Variants in ERBB4 observed in about 807,000 individuals in gnomAD.
ERBB4 encodes the protein receptor tyrosine-protein kinase erbB-4.
ERBB4 carries 42 observed loss-of-function variants against 158.0 expected under a neutral mutation model. That is an observed-to-expected ratio of 0.27 (90% CI 0.21 to 0.34). The LOEUF is 0.34. Among genes scored for constraint, ERBB4 ranks in the 10% least tolerant of loss-of-function variants. The pLI is 1.00. For missense variants in ERBB4, 1,333 were observed against 1,624.1 expected, an observed-to-expected ratio of 0.82 and a Z score of 3.08; for synonymous variants, 583 against 558.7, an observed-to-expected ratio of 1.04 and a Z score of -0.61.
chr2:211,707,624 T>C (rs1158999140), intron 9 of ERBB4, among the ~76,000 whole-genome samples: 1 of 152,278 alleles, frequency 6.6e-6, no homozygotes, highest in East Asian at 1.9e-4. Context: ...ATTTGGTTAC[T>C]CTAAGCACAT....
chr2:211,843,436 C>CAG (rs1553643887), intron 3 of ERBB4, among the ~76,000 whole-genome samples: 2 of 151,880 alleles, frequency 1.3e-5, no homozygotes, highest in East Asian at 3.9e-4. Flanking sequence ...CACACACACA[C>CAG]AGCATCAAAC....
chr2:212,003,207 C>CGG (rs2076171043), intron 2 of ERBB4, among the ~76,000 whole-genome samples: 2 of 39,926 alleles, frequency 5.0e-5, no homozygotes, highest in African/African-American at 1.5e-4. Context: ...GAAAGAAAGA[C>CGG]AGAAAGAAGG....
chr2:212,263,891 A>G (rs1041453686), intron 1 of ERBB4, among the ~76,000 whole-genome samples: 1 of 151,878 alleles, frequency 6.6e-6, no homozygotes, highest in Non-Finnish European at 1.5e-5. Flanking sequence ...TTAAATATTA[A>G]TTAATAATCA....
intron 9 of ERBB4, among the ~76,000 whole-genome samples, chr2:211,708,662 C>T (rs1176500682): frequency 6.6e-6 from 1 of 151,168 alleles, no homozygotes; most frequent in African/African-American, 2.4e-5. Flanking sequence ...TTCCCTCCTT[C>T]CCTGCACTTC....
intron 1 of ERBB4, among the ~76,000 whole-genome samples, chr2:212,278,249 CATAAT>C (rs1385752208): frequency 6.6e-6 from 1 of 151,662 alleles, no homozygotes; most frequent in African/African-American, 2.4e-5. Flanking sequence ...TAGAAATTGC[CATAAT>C]ATAAGTGACA....
At chr2:211,940,929 CT>C (rs1337580957) in intron 3 of ERBB4, among the ~76,000 whole-genome samples, 1 of 152,144 alleles carries the variant, frequency 6.6e-6, no homozygotes, top group Admixed American at 6.5e-5. Context: ...GCAAAATTTG[CT>C]GAAATGGCCA....
At chr2:212,531,341 G>C (rs367901886) in intron 1 of ERBB4, among the ~76,000 whole-genome samples, 97 of 152,300 alleles carry the variant, frequency 6.4e-4, no homozygotes, top group Middle Eastern at 6.8e-3. Context: ...AAAAGGCCCA[G>C]AGGTAGCATC....
intron 1 of ERBB4, among the ~76,000 whole-genome samples, chr2:212,126,060 C>A (rs1056634773): frequency 6.6e-6 from 1 of 152,100 alleles, no homozygotes; most frequent in Non-Finnish European, 1.5e-5. Context: ...TAGAGTATCA[C>A]TGTATATATT....
chr2:211,910,973 G>C (rs1226657463), intron 3 of ERBB4, among the ~76,000 whole-genome samples: 1 of 152,122 alleles, frequency 6.6e-6, no homozygotes, highest in Non-Finnish European at 1.5e-5. Flanking sequence ...ACCATTTCTT[G>C]GTAATAACCA....
At chr2:212,265,492 A>G (rs1002564862) in intron 1 of ERBB4, among the ~76,000 whole-genome samples, 2 of 152,098 alleles carry the variant, frequency 1.3e-5, no homozygotes, top group Admixed American at 6.6e-5. Context: ...ACTGCCAGAT[A>G]GAGTAAGAGA....
At chr2:211,744,714 A>G (rs1420775413) in intron 5 of ERBB4, among the ~76,000 whole-genome samples, 1 of 152,318 alleles carries the variant, frequency 6.6e-6, no homozygotes, top group African/African-American at 2.4e-5. Context: ...ATTTGCTAGG[A>G]GACACCTGTG....
chr2:212,141,813 C>A (rs995796951), intron 1 of ERBB4, among the ~76,000 whole-genome samples: 3 of 152,024 alleles, frequency 2.0e-5, no homozygotes, highest in Non-Finnish European at 4.4e-5. Flanking sequence ...ATCTGATGTC[C>A]CTGCTTTTCT....
At chr2:212,369,556 C>A (rs545781125) in intron 1 of ERBB4, among the ~76,000 whole-genome samples, 77 of 152,048 alleles carry the variant, frequency 5.1e-4, no homozygotes, top group African/African-American at 1.8e-3. Context: ...TTTAAATTTT[C>A]TTTTATCTGA....
chr2:211,528,765 C>T (rs1345298643), intron 20 of ERBB4, among the ~76,000 whole-genome samples: 1 of 151,436 alleles, frequency 6.6e-6, no homozygotes, highest in South Asian at 2.1e-4. Flanking sequence ...ACCAGTGGGT[C>T]GATGAAGACA....
intron 2 of ERBB4, among the ~76,000 whole-genome samples, chr2:212,052,943 G>A (rs1008903160): frequency 6.6e-6 from 1 of 152,160 alleles, no homozygotes; most frequent in African/African-American, 2.4e-5. Flanking sequence ...AATACTTGTT[G>A]TCTCAGTGAT....
intron 1 of ERBB4, among the ~76,000 whole-genome samples, chr2:212,271,836 C>T (rs2085355411): frequency 6.6e-6 from 1 of 151,738 alleles, no homozygotes; most frequent in African/African-American, 2.4e-5. Flanking sequence ...CATTCTGCTT[C>T]AGAGGGAGCA....
At chr2:211,767,490 T>C (rs996245664) in intron 4 of ERBB4, among the ~76,000 whole-genome samples, 2 of 152,188 alleles carry the variant, frequency 1.3e-5, no homozygotes, top group Admixed American at 6.5e-5. Flanking sequence ...TCCGTTCTCA[T>C]GCTGCTAATA....
intron 3 of ERBB4, among the ~76,000 whole-genome samples, chr2:211,821,376 C>A (rs758378917): frequency 6.6e-6 from 1 of 151,760 alleles, no homozygotes; most frequent in Non-Finnish European, 1.5e-5. Flanking sequence ...GAAGAGGATA[C>A]AAACAAAAGA....
At chr2:212,346,421 GT>G (rs2089003263) in intron 1 of ERBB4, among the ~76,000 whole-genome samples, 1 of 150,924 alleles carries the variant, frequency 6.6e-6, no homozygotes, top group Admixed American at 6.6e-5. Context: ...GTTTAATCTA[GT>G]TTAAGGTGAC....
Sources: allele counts gnomAD v4.1 joint callset (sites outside exome capture counted in the v4.1 genomes callset), GRCh38; gene constraint gnomAD v4.1.1; transcripts MANE v1.5; gene names NCBI Gene and HGNC (gene_info 2026-07-23, HGNC 2026-07-21).